Variants in SLC35D1 observed in about 807,000 individuals in gnomAD.
SLC35D1 encodes the protein solute carrier family 35 member D1, also known as nucleotide sugar transporter SLC35D1.
Under a neutral mutation model 46.7 loss-of-function variants are expected in SLC35D1, and 31 were observed. That is an observed-to-expected ratio of 0.66 (90% confidence interval 0.50 to 0.90). The LOEUF is 0.90. Among genes scored for constraint, SLC35D1 ranks in the 40% least tolerant of loss-of-function variants. The pLI is 0.00. For synonymous variants in SLC35D1, 195 were observed against 164.6 expected, an observed-to-expected ratio of 1.18 and a Z score of -1.41; for missense variants, 397 against 426.2, an observed-to-expected ratio of 0.93 and a Z score of 0.60.
downstream of SLC35D1, among the ~76,000 whole-genome samples, chr1:66,998,980 TGTGTATTTTAC>T (rs1667277546): frequency 6.6e-6 from 1 of 152,208 alleles, no homozygotes; most frequent in Admixed American, 6.5e-5. Context: ...GTATATTTTA[TGTGTATTTTAC>T]CACAATCTTT....
intron 8 of SLC35D1, among the ~76,000 whole-genome samples, chr1:67,039,701 G>C (rs1055543406): frequency 4.6e-5 from 7 of 152,156 alleles, no homozygotes; most frequent in Admixed American, 2.6e-4. Context: ...AAAGTCTGAA[G>C]TCCAACAAAT....
rs769445266 is a variant in SLC35D1 at position 67,053,955 on chromosome 1, G to A, written c.59C>T (p.Ser20Phe). 1 of 1,613,644 alleles carries A rather than the reference G, an allele frequency of 6.2e-7. No homozygotes were observed. Among genetic ancestry groups the A allele is most frequent in the Non-Finnish European group, 8.5e-7 (1 of 1,179,662 alleles). Residue 20 changes from serine (S) to phenylalanine (F), a missense_variant, in exon 1 of 12, where the codon TCC becomes TTC. Transcript: ENST00000235345. ...CTCCTCCTCATCTCGGAGTGTGGAG[G>A]ATTTCGCGGGGGCTTCTCCTTTAAC... ...ARVKGEAPAK[S>F]STLRDEEELG...
chr1:66,997,413 G>A (rs1296472767), downstream of SLC35D1, among the ~76,000 whole-genome samples: 2 of 149,578 alleles, frequency 1.3e-5, no homozygotes, highest in Admixed American at 1.3e-4. Flanking sequence ...TAGGGTAGGA[G>A]AATTTCTTGA....
At chr1:66,984,717 C>T in the SLC35D1 span, 2 of 1,613,952 alleles carry the variant, frequency 1.2e-6, no homozygotes, top group Non-Finnish European at 1.7e-6. Context: ...ATAACCTTAC[C>T]ACTGACCCAA....
chr1:67,031,242 C>A (rs552207584), intron 8 of SLC35D1, among the ~76,000 whole-genome samples: 2 of 152,012 alleles, frequency 1.3e-5, no homozygotes, highest in Non-Finnish European at 1.5e-5. Flanking sequence ...GAAAGTCAGT[C>A]TATGGCACAA....
the SLC35D1 span, chr1:66,984,907 G>T: frequency 1.3e-6 from 2 of 1,571,132 alleles, no homozygotes; most frequent in East Asian, 4.5e-5. Context: ...CTAAATTTTA[G>T]ACCTATTTTA....
rs762082319 is a variant in SLC35D1, at chr1:67,002,133, C to A, written c.*2207G>T. ...TCCTTCATGTTGCTGACAGAAAGAA[C>A]AGAATCACTAAAAATAGCTCTCACT... On this transcript the variant is annotated 3_prime_UTR_variant, in exon 12 of 12. Coordinates refer to ENST00000235345, the MANE Select transcript of SLC35D1 (RefSeq NM_015139.3). 5.3e-5 allele frequency: 8 copies of A among 152,346 alleles called. No individual in the cohort carries two copies. The highest frequency in any genetic ancestry group is 1.9e-4 in the African/African-American group (8 of 41,450). 9.4% of individuals were successfully genotyped at this position (152,346 alleles called of 1,614,324 possible).
At chr1:66,985,434 AT>A in the SLC35D1 span, 8 of 983,606 alleles carry the variant, frequency 8.1e-6, no homozygotes, top group Non-Finnish European at 9.7e-6. Flanking sequence ...TTATGCTAGC[AT>A]GATTTTTTTA....
chr1:67,039,191 G>T (rs975383468), intron 8 of SLC35D1, among the ~76,000 whole-genome samples: 1 of 152,134 alleles, frequency 6.6e-6, no homozygotes, highest in Non-Finnish European at 1.5e-5. Context: ...TGCAATGTGG[G>T]TCAAGAGTCT....
downstream of SLC35D1, among the ~76,000 whole-genome samples, chr1:66,997,094 G>A (rs1667246008): frequency 6.6e-6 from 1 of 152,138 alleles, no homozygotes; most frequent in African/African-American, 2.4e-5. Context: ...GGCAACAAGA[G>A]TAGAAGTAAA....
chr1:66,994,043 T>TGTATTG, the SLC35D1 span, among the ~76,000 whole-genome samples: 63,265 of 151,494 alleles, frequency 0.42, 15,292 homozygotes, highest in African/African-American at 0.67. Flanking sequence ...TCAGCATTCT[T>TGTATTG]GTAGATCAAA....
chr1:67,041,664 A>G (rs1454589549), intron 8 of SLC35D1, among the ~76,000 whole-genome samples: 1 of 152,164 alleles, frequency 6.6e-6, no homozygotes, highest in Non-Finnish European at 1.5e-5. Context: ...CTCCAGATTT[A>G]TTTTACTACT....
At chr1:67,021,947 CT>C (rs1278631311) in intron 8 of SLC35D1, among the ~76,000 whole-genome samples, 5 of 152,172 alleles carry the variant, frequency 3.3e-5, no homozygotes, top group Non-Finnish European at 7.3e-5. Flanking sequence ...CCACATTTGG[CT>C]AATCTCAGTT....
chr1:67,030,581 C>T (rs1257545051), intron 8 of SLC35D1, among the ~76,000 whole-genome samples: 3 of 151,486 alleles, frequency 2.0e-5, no homozygotes, highest in Admixed American at 1.3e-4. Flanking sequence ...ATAATCATTA[C>T]TTTTAATTTT....
chr1:66,977,801 A>T, the SLC35D1 span, among the ~76,000 whole-genome samples: 3 of 152,204 alleles, frequency 2.0e-5, no homozygotes, highest in African/African-American at 7.2e-5. Flanking sequence ...TGTTTACAGA[A>T]TAAAAAAATA....
At chr1:67,041,919 C>T (rs1387194005) in intron 8 of SLC35D1, among the ~76,000 whole-genome samples, 4 of 152,194 alleles carry the variant, frequency 2.6e-5, no homozygotes, top group African/African-American at 9.7e-5. Flanking sequence ...GGATAGTTTA[C>T]TACTATTCCT....
intron 8 of SLC35D1, among the ~76,000 whole-genome samples, chr1:67,038,323 C>T (rs914426774): frequency 6.6e-6 from 1 of 152,174 alleles, no homozygotes; most frequent in African/African-American, 2.4e-5. Flanking sequence ...TAGTATGAGA[C>T]ACTTCCAGGC....
the SLC35D1 span, chr1:66,984,827 C>G: frequency 1.2e-6 from 2 of 1,611,166 alleles, no homozygotes; most frequent in African/African-American, 1.3e-5. Context: ...AAAGAAAGTC[C>G]AGGTTCTTCT....
intron 11 of SLC35D1, among the ~76,000 whole-genome samples, chr1:67,006,730 C>A (rs765944191): frequency 6.6e-6 from 1 of 152,128 alleles, no homozygotes; most frequent in Admixed American, 6.5e-5. Flanking sequence ...TGGTTCAAAT[C>A]CTGAATGTAC....
Sources: gnomAD v4.1 joint callset for allele counts (sites outside exome capture counted in the v4.1 genomes callset) on GRCh38, gnomAD v4.1.1 for gene constraint, MANE v1.5 for transcripts, NCBI Gene and HGNC (gene_info 2026-07-23, HGNC 2026-07-21) for gene names.